The following PDXDC1 variants were observed in gnomAD, a reference collection of about 807,000 sequenced individuals.
PDXDC1 encodes pyridoxal-dependent decarboxylase domain-containing protein 1.
Under a neutral mutation model 100.1 loss-of-function variants are expected in PDXDC1, and 42 were observed. The observed-to-expected ratio is 0.42, with a 90% CI of 0.33 to 0.54. The LOEUF is 0.54. Among genes scored for constraint, PDXDC1 ranks in the 20% least tolerant of loss-of-function variants. PDXDC1 has a pLI of 0.10. For missense variants in PDXDC1, 636 were observed against 979.2 expected (o/e 0.65, Z 4.68); for synonymous variants, 260 against 371.7 (o/e 0.70, Z 3.46).
the PDXDC1 span, among the ~76,000 whole-genome samples, chr16:15,146,072 C>T: frequency 3.9e-5 from 6 of 152,186 alleles, no homozygotes; most frequent in Non-Finnish European, 7.4e-5. Flanking sequence ...CAGGGAGGGG[C>T]TTGCAGATGC....
intron 17 of PDXDC1, 58 bp from the exon 18 acceptor site, chr16:15,032,803 T>C (rs1239123231): frequency 3.1e-6 from 3 of 970,518 alleles, no homozygotes; most frequent in Non-Finnish European, 5.0e-6. Context: ...TCTAATCCTG[T>C]ATCAGAAGAG....
chr16:15,100,682 T>C (rs1296567793), intron 16 of PDXDC1, among the ~76,000 whole-genome samples: 1 of 152,108 alleles, frequency 6.6e-6, no homozygotes, highest in Non-Finnish European at 1.5e-5. Context: ...TAAGAACCAC[T>C]GGTATAAACA....
chr16:15,151,349 AG>A, the PDXDC1 span, among the ~76,000 whole-genome samples: 2 of 143,516 alleles, frequency 1.4e-5, no homozygotes, highest in South Asian at 4.6e-4. Flanking sequence ...CGCTTGCACC[AG>A]GGAGTCGGAG....
the PDXDC1 span, among the ~76,000 whole-genome samples, chr16:15,146,860 C>A: frequency 6.6e-6 from 1 of 151,970 alleles, no homozygotes; most frequent in Non-Finnish European, 1.5e-5. Context: ...CAGGTCACTG[C>A]TACACTGCCC....
intron 8 of PDXDC1, among the ~76,000 whole-genome samples, chr16:15,014,146 G>A (rs1407905233): frequency 6.6e-6 from 1 of 151,842 alleles, no homozygotes; most frequent in Non-Finnish European, 1.5e-5. Context: ...GGCTGAGATT[G>A]CAGTGAGCCG....
chr16:15,035,618 G>T, intron 22 of PDXDC1, 65 bp downstream of exon 22: 2 of 904,970 alleles, frequency 2.2e-6, no homozygotes, highest in South Asian at 1.7e-5. Flanking sequence ...ACTTGCGTTT[G>T]TTTTCTGGGT....
intron 16 of PDXDC1, among the ~76,000 whole-genome samples, chr16:15,082,296 T>G (rs2045740711): frequency 6.6e-6 from 1 of 152,256 alleles, no homozygotes. Context: ...TGTCACACAC[T>G]TCTGCATCTA....
At chr16:15,145,795 G>A in the PDXDC1 span, among the ~76,000 whole-genome samples, 1 of 152,384 alleles carries the variant, frequency 6.6e-6, no homozygotes, top group South Asian at 2.1e-4. Context: ...CCGCAGACGT[G>A]CCCGGCCTCA....
chr16:15,014,344 C>T (rs757027807), intron 8 of PDXDC1, among the ~76,000 whole-genome samples: 2 of 152,290 alleles, frequency 1.3e-5, no homozygotes, highest in Non-Finnish European at 2.9e-5. Context: ...ACTGGAGGGG[C>T]TGCAGTTTGC....
intron 12 of PDXDC1, among the ~76,000 whole-genome samples, chr16:15,019,962 A>C (rs1436276791): frequency 3.3e-5 from 5 of 152,284 alleles, no homozygotes; most frequent in South Asian, 2.1e-4. Flanking sequence ...AATACAAAAA[A>C]TTAGCTGGGC....
chr16:14,987,298 T>C (rs938098312), intron 1 of PDXDC1, among the ~76,000 whole-genome samples: 23 of 152,300 alleles, frequency 1.5e-4, no homozygotes, highest in African/African-American at 3.6e-4. Context: ...AGTTGCTTCA[T>C]TTACTTACTT....
chr16:15,149,530 C>A, the PDXDC1 span, among the ~76,000 whole-genome samples: 1 of 152,200 alleles, frequency 6.6e-6, no homozygotes, highest in African/African-American at 2.4e-5. Flanking sequence ...AGGGGTCGCT[C>A]CAGAATGACT....
intron 4 of PDXDC1, among the ~76,000 whole-genome samples, chr16:15,003,419 T>C (rs1417424913): frequency 1.3e-5 from 2 of 152,176 alleles, no homozygotes; most frequent in East Asian, 1.9e-4. Context: ...GGTTTCACCA[T>C]GTTAGCCAGG....
At chr16:15,115,238 TTTTC>T (rs1213867577) in intron 16 of PDXDC1, among the ~76,000 whole-genome samples, 8 of 129,032 alleles carry the variant, frequency 6.2e-5, no homozygotes, top group Non-Finnish European at 9.8e-5. Context: ...CAGCCATTTT[TTTTC>T]TTTTTGTTTG....
downstream of PDXDC1, among the ~76,000 whole-genome samples, chr16:15,140,539 G>A (rs918318961): frequency 2.6e-5 from 4 of 151,878 alleles, no homozygotes; most frequent in Admixed American, 6.6e-5. Flanking sequence ...AGAAAAACCA[G>A]GCAATTAAAA....
chr16:15,035,404 C>T, intron 21 of PDXDC1, 45 bp from the exon 22 acceptor site: 3 of 1,162,656 alleles, frequency 2.6e-6, no homozygotes, highest in Non-Finnish European at 2.5e-6. Flanking sequence ...TCTTCAAGGG[C>T]AGCCTGTGCC....
At chr16:15,010,800 AAAG>A (rs1431348631) in intron 8 of PDXDC1, among the ~76,000 whole-genome samples, 15 of 152,412 alleles carry the variant, frequency 9.8e-5, no homozygotes, top group Admixed American at 2.6e-4. Flanking sequence ...ACATACTAGC[AAAG>A]AAGAATTGGA....
At chr16:15,028,128 C>T (rs1227047178) in intron 14 of PDXDC1, among the ~76,000 whole-genome samples, 25 of 152,404 alleles carry the variant, frequency 1.6e-4, no homozygotes, top group Non-Finnish European at 7.3e-5. Flanking sequence ...GAATTCGCTT[C>T]TGCCTTCCCC....
At chr16:14,978,234 C>G (rs1414519533) in intron 1 of PDXDC1, among the ~76,000 whole-genome samples, 2 of 152,294 alleles carry the variant, frequency 1.3e-5, no homozygotes, top group African/African-American at 2.4e-5. Flanking sequence ...GCCCCTGCCC[C>G]CCACTGTATG....
Sources: allele counts gnomAD v4.1 joint callset (sites outside exome capture counted in the v4.1 genomes callset), GRCh38; gene constraint gnomAD v4.1.1; transcripts MANE v1.5; gene names NCBI Gene and HGNC (gene_info 2026-07-23, HGNC 2026-07-21).